Variants in GRID2 observed in about 807,000 individuals in gnomAD.
GRID2 encodes glutamate receptor ionotropic, delta-2.
GRID2 carries 33 observed loss-of-function variants against 114.8 expected under a neutral mutation model. The observed-to-expected ratio is 0.29, with a 90% confidence interval of 0.22 to 0.38. GRID2 has a LOEUF of 0.38. Among genes scored for constraint, GRID2 ranks in the 10% least tolerant of loss-of-function variants. GRID2 has a pLI of 1.00. For synonymous variants in GRID2, 505 were observed against 449.9 expected (o/e 1.12, Z -1.55); for missense variants, 1,184 against 1,257.7 (o/e 0.94, Z 0.89).
At chr4:93,242,441 G>A (rs763359836) in intron 8 of GRID2, among the ~76,000 whole-genome samples, 13 of 152,000 alleles carry the variant, frequency 8.6e-5, no homozygotes, top group Non-Finnish European at 1.9e-4. Flanking sequence ...TAGGCTTGAA[G>A]CTTCATCGGG....
At chr4:92,954,121 G>A (rs1019637745) in intron 2 of GRID2, among the ~76,000 whole-genome samples, 1 of 151,866 alleles carries the variant, frequency 6.6e-6, no homozygotes, top group African/African-American at 2.4e-5. Context: ...ACAGCACAAG[G>A]TCGAAAGCAC....
intron 7 of GRID2, 35 bp downstream of exon 7, chr4:93,224,810 T>A: frequency 7.0e-7 from 1 of 1,421,718 alleles, no homozygotes; most frequent in Non-Finnish European, 9.8e-7. Flanking sequence ...AAGGATATGG[T>A]AAATAATTAT....
chr4:93,756,387 G>A (rs1732750789), intron 14 of GRID2, among the ~76,000 whole-genome samples: 1 of 152,170 alleles, frequency 6.6e-6, no homozygotes, highest in African/African-American at 2.4e-5. Flanking sequence ...CAAACAAAAT[G>A]CCACAGACTG....
intron 1 of GRID2, among the ~76,000 whole-genome samples, chr4:92,525,376 G>T (rs1724992622): frequency 6.6e-6 from 1 of 152,038 alleles, no homozygotes; most frequent in African/African-American, 2.4e-5. Context: ...CATTTGTTAA[G>T]TTATGGTGTC....
chr4:92,553,951 A>G (rs1338636759), intron 1 of GRID2, among the ~76,000 whole-genome samples: 2 of 152,154 alleles, frequency 1.3e-5, no homozygotes, highest in Non-Finnish European at 2.9e-5. Context: ...TGCCCAGCCT[A>G]TCATTAACAT....
chr4:92,629,832 G>GT (rs1380888339), intron 2 of GRID2, among the ~76,000 whole-genome samples: 1 of 145,240 alleles, frequency 6.9e-6, no homozygotes. Context: ...AAAATTGTAG[G>GT]TTTTATTCAC....
intron 2 of GRID2, among the ~76,000 whole-genome samples, chr4:92,632,085 A>G (rs1344701631): frequency 2.6e-5 from 4 of 152,144 alleles, no homozygotes; most frequent in African/African-American, 9.7e-5. Context: ...AATTTCAAAC[A>G]CTTCATGTAT....
chr4:93,732,486 C>T (rs1361093902), intron 14 of GRID2, among the ~76,000 whole-genome samples: 1 of 152,162 alleles, frequency 6.6e-6, no homozygotes, highest in East Asian at 1.9e-4. Context: ...CTTTAGTAGA[C>T]TATCATTTTC....
rs148843080 is a variant in GRID2 at position 92,790,724 on chromosome 4, G to GAA, written c.244+200454_244+200455dup. On this transcript the variant is annotated intron_variant, in intron 2 of 15. Coordinates refer to ENST00000282020, the MANE Select transcript of GRID2 (RefSeq NM_001510.4). ...TGAGCTACTGTGCCCAGCTTTTTAAGAAAAAAAAAAAAAAAAAGTGTTTTT... is the reference window on the plus strand; with the variant it reads ...TGAGCTACTGTGCCCAGCTTTTTAAGAAAAAAAAAAAAAAAAAAAGTGTTTTT... Among the ~76,000 whole-genome samples the GAA allele has an allele frequency of 1.5e-3, 152 of 99,404 alleles. 1 individual carries two copies. The highest frequency in any genetic ancestry group is 2.9e-3 in the African/African-American group (85 of 28,840). The allele number at this position is 99,404 out of a possible 152,430, so 65.2% of individuals were successfully genotyped here.
At chr4:93,037,873 A>G (rs1725072088) in intron 2 of GRID2, among the ~76,000 whole-genome samples, 1 of 152,168 alleles carries the variant, frequency 6.6e-6, no homozygotes, top group Admixed American at 6.6e-5. Flanking sequence ...AGGTAGCGTG[A>G]TCCCTCCAGC....
chr4:92,951,568 A>G (rs1241725268), intron 2 of GRID2, among the ~76,000 whole-genome samples: 9 of 151,886 alleles, frequency 5.9e-5, no homozygotes, highest in Non-Finnish European at 1.2e-4. Flanking sequence ...GTCTCAAGCG[A>G]TGCACCCTGC....
chr4:93,513,591 A>T (rs1479771454), intron 12 of GRID2, among the ~76,000 whole-genome samples: 1 of 152,202 alleles, frequency 6.6e-6, no homozygotes. Context: ...ATTTTAGAAT[A>T]TTCCAGAAAA....
chr4:93,174,838 G>T (rs1739196991), intron 4 of GRID2, among the ~76,000 whole-genome samples: 1 of 152,034 alleles, frequency 6.6e-6, no homozygotes, highest in African/African-American at 2.4e-5. Context: ...AACATACATG[G>T]CATGAATATA....
chr4:93,149,732 C>T (rs575873059), intron 4 of GRID2, among the ~76,000 whole-genome samples: 1 of 151,942 alleles, frequency 6.6e-6, no homozygotes, highest in South Asian at 2.1e-4. Flanking sequence ...CTTCTAGGCT[C>T]AAATGATTCT....
At chr4:92,958,637 TATA>T (rs760894572) in intron 2 of GRID2, among the ~76,000 whole-genome samples, 16 of 152,100 alleles carry the variant, frequency 1.1e-4, no homozygotes, top group Admixed American at 4.6e-4. Flanking sequence ...TTCCTTTTCT[TATA>T]ATGTCTTTAT....
At chr4:92,325,749 C>T (rs1385321018) in intron 1 of GRID2, among the ~76,000 whole-genome samples, 1 of 151,586 alleles carries the variant, frequency 6.6e-6, no homozygotes, top group African/African-American at 2.4e-5. Context: ...CTTTTTACTG[C>T]TTGGACTCAT....
In GRID2 at chr4:93,595,209, A is replaced by G. The variant is rs563184226; in HGVS notation, c.2194-31060A>G. On this transcript the variant is annotated intron_variant, in intron 13 of 15. Coordinates refer to ENST00000282020, the MANE Select transcript of GRID2 (RefSeq NM_001510.4). ...GCCTCCTGTAATATCCCTTTCTTCA[A>G]TGTCGATTGTTCATGAAATTCCTTA... 2.0e-5 allele frequency among the ~76,000 whole-genome samples: 3 copies of G among 152,260 alleles called. No homozygotes were observed. The South Asian group carries it at 6.2e-4, about 32-fold the overall frequency.
rs190424094 is a variant in GRID2 at position 92,458,885 on chromosome 4, C to T, written c.89-131246C>T. Among the ~76,000 whole-genome samples the T allele has an allele frequency of 5.1e-3, 773 of 152,162 alleles. 3 individuals are homozygous for T. The highest frequency in any genetic ancestry group is 8.7e-3 in the Non-Finnish European group (591 of 68,000). On this transcript the variant is annotated intron_variant, in intron 1 of 15. Coordinates refer to ENST00000282020, the MANE Select transcript of GRID2 (RefSeq NM_001510.4). ...ACGGCAGAAATATAAATAAAATGTCCTTAAAGAATGTAGGTAGAGACTTCA... is the reference window on the plus strand; with the variant it reads ...ACGGCAGAAATATAAATAAAATGTCTTTAAAGAATGTAGGTAGAGACTTCA...
At chr4:92,415,856 C>T (rs1193392795) in intron 1 of GRID2, among the ~76,000 whole-genome samples, 1 of 147,590 alleles carries the variant, frequency 6.8e-6, no homozygotes, top group East Asian at 2.0e-4. Flanking sequence ...AATTGTGCTG[C>T]TGTAAACATG....
Sources: allele counts gnomAD v4.1 joint callset (sites outside exome capture counted in the v4.1 genomes callset), GRCh38; gene constraint gnomAD v4.1.1; transcripts MANE v1.5; gene names NCBI Gene and HGNC (gene_info 2026-07-23, HGNC 2026-07-21).